The following GALNTL6 variants were observed in gnomAD, a reference collection of about 807,000 sequenced individuals.
GALNTL6 encodes polypeptide N-acetylgalactosaminyltransferase like 6, also known as polypeptide N-acetylgalactosaminyltransferase-like 6.
Under a neutral mutation model 73.7 loss-of-function variants are expected in GALNTL6, and 46 were observed. The ratio of observed to expected loss-of-function variants is 0.62; its 90% CI spans 0.49 to 0.80. The LOEUF (loss-of-function observed/expected upper bound fraction) is 0.80, where lower values mean the gene tolerates loss of function less well. GALNTL6 is among the 30% of genes least tolerant of loss of function. The probability of loss-of-function intolerance (pLI) is 0.00; values close to 1 mark genes in which losing one functional copy is unlikely to be tolerated. For synonymous variants in GALNTL6, 259 were observed against 263.7 expected, an observed-to-expected ratio of 0.98 and a Z score of 0.17; for missense variants, 604 against 755.0, an observed-to-expected ratio of 0.80 and a Z score of 2.34.
intron 5 of GALNTL6, among the ~76,000 whole-genome samples, chr4:172,704,909 A>G (rs532385335): frequency 2.6e-5 from 4 of 152,098 alleles, no homozygotes; most frequent in Non-Finnish European, 4.4e-5. Flanking sequence ...CTTCTTGCCA[A>G]GTTGACTCTG....
intron 5 of GALNTL6, among the ~76,000 whole-genome samples, chr4:172,389,253 T>G (rs1239020446): frequency 6.6e-6 from 1 of 151,932 alleles, no homozygotes; most frequent in East Asian, 1.9e-4. Flanking sequence ...TAAAATTTAT[T>G]AACTATGTCT....
At position 172,251,532 on chromosome 4, in the gene GALNTL6, A is replaced by G. The variant is rs531491094; in HGVS notation, c.247+21768A>G. ...TGCATATCAGGCTGGCACATCCTGA[A>G]TAAGTCAGCTAACTCTTCCCTACAT... On this transcript the variant is annotated intron_variant, in intron 3 of 12. Coordinates refer to ENST00000506823, the MANE Select transcript of GALNTL6 (RefSeq NM_001034845.3). 7.2e-5 allele frequency among the ~76,000 whole-genome samples: 11 copies of G among 152,258 alleles called. No homozygotes were observed. In the South Asian group the frequency reaches 2.1e-3, roughly 29 times the overall value.
chr4:172,157,522 T>G (rs909669687), intron 2 of GALNTL6, among the ~76,000 whole-genome samples: 1 of 152,202 alleles, frequency 6.6e-6, no homozygotes, highest in African/African-American at 2.4e-5. Context: ...AGTAGCATTT[T>G]AAAGTTATAG....
At chr4:172,646,106 C>A in intron 5 of GALNTL6, among the ~76,000 whole-genome samples, 1 of 152,012 alleles carries the variant, frequency 6.6e-6, no homozygotes, top group Non-Finnish European at 1.5e-5. Flanking sequence ...ATTACCATAG[C>A]TGTATAGAAA....
chr4:172,847,426 T>C (rs1743573068), intron 7 of GALNTL6, among the ~76,000 whole-genome samples: 1 of 152,142 alleles, frequency 6.6e-6, no homozygotes, highest in African/African-American at 2.4e-5. Context: ...ATGAGAAAGT[T>C]TGTACTGATC....
intron 2 of GALNTL6, among the ~76,000 whole-genome samples, chr4:172,065,079 G>A (rs1166949643): frequency 1.3e-5 from 2 of 152,034 alleles, no homozygotes; most frequent in Non-Finnish European, 1.5e-5. Flanking sequence ...TAGAGTTGGT[G>A]TTATTTTTAG....
intron 5 of GALNTL6, among the ~76,000 whole-genome samples, chr4:172,582,969 C>A (rs1475146690): frequency 6.6e-6 from 1 of 152,150 alleles, no homozygotes; most frequent in Non-Finnish European, 1.5e-5. Flanking sequence ...AGTAATTAGA[C>A]CTTCACTTGA....
chr4:172,076,056 A>G (rs116689531), intron 2 of GALNTL6, among the ~76,000 whole-genome samples: 2,737 of 152,240 alleles, frequency 0.018, 72 homozygotes, highest in African/African-American at 0.059. Flanking sequence ...ATTCCTTTGG[A>G]TAAAAATGCA....
At chr4:172,008,868 T>TTAG (rs1740915873) in intron 2 of GALNTL6, among the ~76,000 whole-genome samples, 2 of 152,074 alleles carry the variant, frequency 1.3e-5, no homozygotes, top group African/African-American at 4.8e-5. Flanking sequence ...CCTCTACTGC[T>TTAG]TAGAAGATGT....
At chr4:172,326,618 A>T (rs1321779123) in intron 4 of GALNTL6, among the ~76,000 whole-genome samples, 1 of 151,944 alleles carries the variant, frequency 6.6e-6, no homozygotes, top group Non-Finnish European at 1.5e-5. Context: ...TGGAGGAAGG[A>T]GGTGGCGATC....
chr4:172,498,244 T>A (rs1358987510), intron 5 of GALNTL6, among the ~76,000 whole-genome samples: 1 of 152,068 alleles, frequency 6.6e-6, no homozygotes. Flanking sequence ...TGCCTCAACC[T>A]CCCAAAGTGC....
At chr4:172,171,498 A>G (rs1372661827) in intron 2 of GALNTL6, among the ~76,000 whole-genome samples, 1 of 152,132 alleles carries the variant, frequency 6.6e-6, no homozygotes, top group East Asian at 1.9e-4. Context: ...AAGGTATTTC[A>G]TGAACAACAC....
chr4:172,255,279 A>G (rs1475954092), intron 3 of GALNTL6, among the ~76,000 whole-genome samples: 1 of 105,936 alleles, frequency 9.4e-6, no homozygotes, highest in Non-Finnish European at 2.2e-5. Flanking sequence ...TGTGGTTTGT[A>G]GGTTTCATTG....
chr4:172,497,906 C>CTCCA (rs1734119209), intron 5 of GALNTL6, among the ~76,000 whole-genome samples: 2 of 152,002 alleles, frequency 1.3e-5, no homozygotes, highest in Non-Finnish European at 2.9e-5. Flanking sequence ...TTATAAACAT[C>CTCCA]TCCATCCCCA....
chr4:172,101,057 G>A (rs1732498956), intron 2 of GALNTL6, among the ~76,000 whole-genome samples: 1 of 152,112 alleles, frequency 6.6e-6, no homozygotes, highest in African/African-American at 2.4e-5. Context: ...CGAGGAGTTG[G>A]TTTTCACATT....
At chr4:172,940,861 C>CG (rs910305368) in intron 9 of GALNTL6, among the ~76,000 whole-genome samples, 1 of 151,918 alleles carries the variant, frequency 6.6e-6, no homozygotes, top group African/African-American at 2.4e-5. Context: ...TTGGTAGAGA[C>CG]GGGGTCTCAC....
chr4:172,225,026 C>T (rs1162512700), intron 2 of GALNTL6, among the ~76,000 whole-genome samples: 3 of 151,892 alleles, frequency 2.0e-5, no homozygotes, highest in East Asian at 1.9e-4. Flanking sequence ...GGTGAAAAAC[C>T]GGAATAGTGC....
At chr4:172,534,712 G>A (rs535851545) in intron 5 of GALNTL6, among the ~76,000 whole-genome samples, 57 of 152,188 alleles carry the variant, frequency 3.7e-4, no homozygotes, top group Non-Finnish European at 6.3e-4. Context: ...GGGATTACAG[G>A]TGTGCACCAC....
rs72621994 is a variant in GALNTL6 at position 171,929,619 on chromosome 4, C to T, written c.138+114901C>T. On this transcript the variant is annotated intron_variant, in intron 2 of 12. Coordinates refer to ENST00000506823, the MANE Select transcript of GALNTL6 (RefSeq NM_001034845.3). ...TCGAGCAGCTAGCCAGCCCACTGTA[C>T]GTGCTCGCTCCTGGCTTGGCAGCCA... Among the ~76,000 whole-genome samples the T allele has an allele frequency of 3.3e-5, 5 of 152,228 alleles. No individual in the cohort carries two copies. The East Asian group carries it at 5.8e-4, about 18-fold the overall frequency.
Sources: gnomAD v4.1 joint callset for allele counts (sites outside exome capture counted in the v4.1 genomes callset) on GRCh38, gnomAD v4.1.1 for gene constraint, MANE v1.5 for transcripts, NCBI Gene and HGNC (gene_info 2026-07-23, HGNC 2026-07-21) for gene names.